AGBL4: variants seen among roughly 807,000 people sequenced by gnomAD.
AGBL4 encodes the protein AGBL carboxypeptidase 4.
Under a neutral mutation model 66.4 loss-of-function variants are expected in AGBL4, and 58 were observed. The ratio of observed to expected loss-of-function variants is 0.87; its 90% confidence interval spans 0.71 to 1.09. The LOEUF is 1.09. Ranked by LOEUF, AGBL4 falls within the 50% of genes least tolerant of loss-of-function variation. The pLI is 0.00. For missense variants in AGBL4, 579 were observed against 631.0 expected (o/e 0.92, Z 0.88); for synonymous variants, 234 against 222.9 (o/e 1.05, Z -0.44).
intron 2 of AGBL4, among the ~76,000 whole-genome samples, chr1:49,748,007 AC>A: frequency 6.7e-6 from 1 of 150,154 alleles, no homozygotes; most frequent in Non-Finnish European, 1.5e-5. Context: ...TTTACTTTTT[AC>A]TTTTTTAATT....
At chr1:48,602,762 C>T (rs1393006951) in intron 9 of AGBL4, among the ~76,000 whole-genome samples, 2 of 152,160 alleles carry the variant, frequency 1.3e-5, no homozygotes, top group Non-Finnish European at 2.9e-5. Context: ...AGGCACTTGG[C>T]ATCTCTCCCT....
At chr1:49,630,533 G>A (rs1645550260) in intron 3 of AGBL4, among the ~76,000 whole-genome samples, 1 of 152,066 alleles carries the variant, frequency 6.6e-6, no homozygotes, top group Non-Finnish European at 1.5e-5. Flanking sequence ...GCAGTACTTG[G>A]TGTGATTGCC....
At chr1:49,006,177 C>T (rs1362626957) in intron 5 of AGBL4, among the ~76,000 whole-genome samples, 9 of 152,052 alleles carry the variant, frequency 5.9e-5, no homozygotes, top group African/African-American at 9.7e-5. Flanking sequence ...GTGCACCGTG[C>T]GCGAGCCAAA....
intron 8 of AGBL4, among the ~76,000 whole-genome samples, chr1:48,640,850 A>G (rs893499004): frequency 6.6e-6 from 1 of 152,230 alleles, no homozygotes; most frequent in African/African-American, 2.4e-5. Flanking sequence ...CCAAATAAAT[A>G]GCCCCATCTC....
At chr1:49,279,559 G>C (rs1352980237) in intron 3 of AGBL4, among the ~76,000 whole-genome samples, 1 of 151,792 alleles carries the variant, frequency 6.6e-6, no homozygotes, top group Non-Finnish European at 1.5e-5. Flanking sequence ...GGAAAAAGAA[G>C]ACCCGTCTTT....
intron 6 of AGBL4, among the ~76,000 whole-genome samples, chr1:48,752,568 T>C (rs1041972281): frequency 2.0e-5 from 3 of 152,150 alleles, no homozygotes; most frequent in Admixed American, 6.5e-5. Flanking sequence ...TGACCAAAGA[T>C]TAAGACATCC....
intron 8 of AGBL4, among the ~76,000 whole-genome samples, chr1:48,647,077 C>T (rs138696516): frequency 6.6e-6 from 1 of 152,300 alleles, no homozygotes; most frequent in Non-Finnish European, 1.5e-5. Context: ...CTTAGTTATA[C>T]TGGATTTACT....
intron 6 of AGBL4, among the ~76,000 whole-genome samples, chr1:48,698,248 G>A (rs1570284334): frequency 6.6e-6 from 1 of 152,240 alleles, no homozygotes; most frequent in South Asian, 2.1e-4. Flanking sequence ...GATGCAGGGT[G>A]CAGGGAAGCA....
At chr1:49,973,242 A>T (rs527528014) in intron 1 of AGBL4, among the ~76,000 whole-genome samples, 1 of 152,308 alleles carries the variant, frequency 6.6e-6, no homozygotes, top group East Asian at 1.9e-4. Context: ...CACCTGCACA[A>T]CCATAAACAG....
intron 4 of AGBL4, among the ~76,000 whole-genome samples, chr1:49,231,875 C>T (rs1010034764): frequency 1.3e-5 from 2 of 152,088 alleles, no homozygotes; most frequent in Non-Finnish European, 2.9e-5. Flanking sequence ...ATAAGGTATT[C>T]AACACTTTAT....
At chr1:49,960,064 G>T (rs1434127166) in intron 1 of AGBL4, among the ~76,000 whole-genome samples, 1 of 151,758 alleles carries the variant, frequency 6.6e-6, no homozygotes, top group African/African-American at 2.4e-5. Context: ...TACCTAGAGG[G>T]TACTATGCTT....
At chr1:48,853,677 A>G (rs1478204337) in intron 6 of AGBL4, among the ~76,000 whole-genome samples, 3 of 152,196 alleles carry the variant, frequency 2.0e-5, no homozygotes, top group African/African-American at 7.2e-5. Context: ...ATGTACTACA[A>G]ATCAATTACA....
At chr1:49,090,892 A>G (rs377213572) in intron 4 of AGBL4, among the ~76,000 whole-genome samples, 1 of 152,206 alleles carries the variant, frequency 6.6e-6, no homozygotes, top group South Asian at 2.1e-4. Flanking sequence ...AAATATACAC[A>G]TAGACCAATG....
chr1:49,323,448 ATTTTTTTTTTT>A (rs11295329), intron 3 of AGBL4, among the ~76,000 whole-genome samples: 1 of 114,888 alleles, frequency 8.7e-6, no homozygotes, highest in Non-Finnish European at 1.8e-5. Context: ...TGCCTGGCTA[ATTTTTTTTTTT>A]TTTTTTTTTT....
chr1:48,940,365 T>C (rs59183433), intron 5 of AGBL4, among the ~76,000 whole-genome samples: 16,148 of 151,526 alleles, frequency 0.11, 948 homozygotes, highest in African/African-American at 0.12. Context: ...GCAACAAGAG[T>C]GAGACTCCAT....
At chr1:49,228,891 C>T (rs762346499) in intron 4 of AGBL4, among the ~76,000 whole-genome samples, 3 of 152,176 alleles carry the variant, frequency 2.0e-5, no homozygotes, top group Non-Finnish European at 2.9e-5. Context: ...CCTGAAGGAA[C>T]TCACAGACAG....
At chr1:48,559,336 G>A (rs1288458278) in intron 11 of AGBL4, among the ~76,000 whole-genome samples, 1 of 152,158 alleles carries the variant, frequency 6.6e-6, no homozygotes, top group Non-Finnish European at 1.5e-5. Flanking sequence ...GCAGGAAGAT[G>A]TGAGGAGGCA....
chr1:49,862,085 G>A (rs1160925464), intron 1 of AGBL4, among the ~76,000 whole-genome samples: 3 of 152,078 alleles, frequency 2.0e-5, no homozygotes, highest in African/African-American at 7.2e-5. Context: ...AGAGATATGT[G>A]ACCTTTCAGA....
At chr1:49,421,011 A>G (rs974522919) in intron 3 of AGBL4, among the ~76,000 whole-genome samples, 2 of 152,070 alleles carry the variant, frequency 1.3e-5, no homozygotes, top group African/African-American at 4.8e-5. Flanking sequence ...TGCTTAGATC[A>G]CTCTTATTTC....
Sources: allele counts gnomAD v4.1 joint callset (sites outside exome capture counted in the v4.1 genomes callset), GRCh38; gene constraint gnomAD v4.1.1; transcripts MANE v1.5; gene names NCBI Gene and HGNC (gene_info 2026-07-23, HGNC 2026-07-21).